Variants in KLF13 observed in about 807,000 individuals in gnomAD.
KLF13 encodes KLF transcription factor 13.
Under a neutral mutation model 16.7 loss-of-function variants are expected in KLF13, and 8 were observed. That is an observed-to-expected ratio of 0.48 (90% CI 0.28 to 0.87). The LOEUF is 0.87. KLF13 is among the 40% of genes least tolerant of loss of function. The pLI is 0.10. For synonymous variants in KLF13, 245 were observed against 208.4 expected (o/e 1.18, Z -1.51); for missense variants, 447 against 452.2 (o/e 0.99, Z 0.10).
At chr15:31,329,118 T>C (rs1465778) in intron 1 of KLF13, among the ~76,000 whole-genome samples, 47,574 of 151,180 alleles carry the variant, frequency 0.31, 7,662 homozygotes, top group Non-Finnish European at 0.34. Context: ...TTGTGGCCGC[T>C]CCAAACCACG....
At chr15:31,424,925 A>G (rs1456991841) in intron 1 of KLF13, among the ~76,000 whole-genome samples, 1 of 148,388 alleles carries the variant, frequency 6.7e-6, no homozygotes, top group African/African-American at 2.5e-5. Flanking sequence ...GAACTAAAGA[A>G]CAAATTTAGC....
rs1278533479 is a variant in KLF13, at chr15:31,326,840, G to A, written c.-373G>A. ...CCCCCGGGGCCGGGCCGCCCACACGGAGCCGCGGCGCGCACGGCAGCTGTC... is the reference window on the plus strand; with the variant it reads ...CCCCCGGGGCCGGGCCGCCCACACGAAGCCGCGGCGCGCACGGCAGCTGTC... On this transcript the variant is annotated 5_prime_UTR_variant, in exon 1 of 2. Transcript: ENST00000307145. 1.3e-5 allele frequency: 2 copies of A among 150,786 alleles called. No homozygotes were observed. Among genetic ancestry groups the A allele is most frequent in the Non-Finnish European group, 3.0e-5 (2 of 67,470 alleles). The allele number at this position is 150,786 out of a possible 1,614,324, so 9.3% of individuals were successfully genotyped here.
At position 31,374,023 on chromosome 15, in the gene KLF13, G is replaced by A. The variant is rs1743414947; in HGVS notation, c.*1724G>A. The A allele has an allele frequency of 2.0e-5, 3 of 152,760 alleles. No homozygotes were observed. The highest frequency in any genetic ancestry group is 1.3e-4 in the Admixed American group (2 of 15,294). 9.5% of individuals were successfully genotyped at this position (152,760 alleles called of 1,614,324 possible). ...CAGATGGGCTTCCTGGGCCTAGCGT[G>A]CCTTGGTTGTGGCCATCCTGCTTCT... On this transcript the variant is annotated 3_prime_UTR_variant, in exon 2 of 2. Transcript: ENST00000307145.
At chr15:31,355,014 C>T (rs766814714) in intron 1 of KLF13, among the ~76,000 whole-genome samples, 20 of 152,044 alleles carry the variant, frequency 1.3e-4, no homozygotes, top group Admixed American at 7.9e-4. Context: ...CTAAAACCCC[C>T]GGGCTTGGGG....
At chr15:31,362,575 A>G (rs2039406005) in intron 1 of KLF13, among the ~76,000 whole-genome samples, 1 of 152,210 alleles carries the variant, frequency 6.6e-6, no homozygotes, top group Non-Finnish European at 1.5e-5. Flanking sequence ...GGCATTATTG[A>G]TGGCTAGCAT....
chr15:31,346,072 G>A (rs1001233228), intron 1 of KLF13, among the ~76,000 whole-genome samples: 121 of 152,008 alleles, frequency 8.0e-4, no homozygotes, highest in African/African-American at 2.9e-3. Flanking sequence ...CCTGCCTCAC[G>A]CTGAGATGCC....
intron 2 of KLF13, among the ~76,000 whole-genome samples, chr15:31,398,818 G>A (rs1467979087): frequency 6.6e-6 from 1 of 152,170 alleles, no homozygotes; most frequent in Non-Finnish European, 1.5e-5. Context: ...GACTCTGTGG[G>A]TGGGAAGAGC....
intron 1 of KLF13, among the ~76,000 whole-genome samples, chr15:31,344,921 G>T (rs567137484): frequency 6.6e-6 from 1 of 152,180 alleles, no homozygotes; most frequent in Non-Finnish European, 1.5e-5. Flanking sequence ...GCAGGCCAAG[G>T]TTCCAGGGTT....
At chr15:31,391,642 C>T (rs2039871599), upstream of KLF13, among the ~76,000 whole-genome samples, 1 of 149,614 alleles carries the variant, frequency 6.7e-6, no homozygotes, top group African/African-American at 2.5e-5. Flanking sequence ...GAGGTCTAGG[C>T]GGCTGCCGTG....
chr15:31,382,955 C>G (rs1303775571), intron 1 of KLF13, among the ~76,000 whole-genome samples: 2 of 152,228 alleles, frequency 1.3e-5, no homozygotes, highest in Non-Finnish European at 2.9e-5. Context: ...TCATTCTTGA[C>G]CCCTGCCCCA....
chr15:31,431,545 A>G (rs927374225), intron 1 of KLF13, among the ~76,000 whole-genome samples: 2 of 151,886 alleles, frequency 1.3e-5, no homozygotes, highest in Non-Finnish European at 2.9e-5. Flanking sequence ...GCTCACTGCA[A>G]CCTCCGCCTC....
At chr15:31,386,597 C>A (rs113761860) in intron 1 of KLF13, among the ~76,000 whole-genome samples, 115 of 152,332 alleles carry the variant, frequency 7.5e-4, no homozygotes, top group African/African-American at 2.7e-3. Flanking sequence ...GCAAGTTATC[C>A]AGAAGATCTA....
chr15:31,407,694 T>G (rs1284720989), downstream of KLF13, among the ~76,000 whole-genome samples: 1 of 152,116 alleles, frequency 6.6e-6, no homozygotes, highest in Non-Finnish European at 1.5e-5. Flanking sequence ...AAATCAATAT[T>G]GCAGTGAAAA....
chr15:31,358,536 A>G (rs1409070238), intron 1 of KLF13, among the ~76,000 whole-genome samples: 1 of 152,224 alleles, frequency 6.6e-6, no homozygotes, highest in Non-Finnish European at 1.5e-5. Context: ...GTTGTTTACC[A>G]TCTCTCTATC....
At chr15:31,384,476 T>TA (rs1488638671) in intron 1 of KLF13, among the ~76,000 whole-genome samples, 7 of 152,234 alleles carry the variant, frequency 4.6e-5, no homozygotes, top group Non-Finnish European at 8.8e-5. Flanking sequence ...AAGCAATTGT[T>TA]ACCTTTAGGT....
Position 31,420,499 on chromosome 15 carries a change from A to G in KLF13, n.118-14871A>G. On this transcript the variant is annotated intron_variant and non_coding_transcript_variant, in intron 1 of 1. Transcript: ENST00000558225. ...ATATCTGGAAAGACAAGTCGTCTGTACTGTATGGCATCAGGACCATTCTGG... is the reference window on the plus strand; with the variant it reads ...ATATCTGGAAAGACAAGTCGTCTGTGCTGTATGGCATCAGGACCATTCTGG... 4.6e-6 allele frequency: 3 copies of G among 646,610 alleles called. No homozygotes were observed. In the Admixed American group the frequency reaches 5.7e-5, roughly 12 times the overall value. The allele number at this position is 646,610 out of a possible 1,614,324, so 40.1% of individuals were successfully genotyped here. A position where few individuals can be genotyped will look rare whatever the true frequency, so the allele number is the denominator to read the frequency against.
At chr15:31,336,237 G>A (rs552748016) in intron 1 of KLF13, among the ~76,000 whole-genome samples, 19 of 152,354 alleles carry the variant, frequency 1.2e-4, no homozygotes, top group South Asian at 8.3e-4. Flanking sequence ...GTCTGGCCTC[G>A]TTGGGGGACA....
chr15:31,371,517 A>T (rs987918040), intron 1 of KLF13, among the ~76,000 whole-genome samples: 3 of 152,210 alleles, frequency 2.0e-5, no homozygotes, highest in Non-Finnish European at 4.4e-5. Context: ...GACAGACTAG[A>T]CTGAGGAGGG....
intron 1 of KLF13, among the ~76,000 whole-genome samples, chr15:31,368,046 C>CT (rs1444226513): frequency 4.6e-5 from 7 of 150,818 alleles, no homozygotes; most frequent in Non-Finnish European, 1.0e-4. Flanking sequence ...CCTTCCCCGT[C>CT]TCCCTCACTC....
Sources: gnomAD v4.1 joint callset for allele counts (sites outside exome capture counted in the v4.1 genomes callset) on GRCh38, gnomAD v4.1.1 for gene constraint, MANE v1.5 for transcripts, NCBI Gene and HGNC (gene_info 2026-07-23, HGNC 2026-07-21) for gene names.